SH3PXD2A: variants seen among roughly 807,000 people sequenced by gnomAD.
The protein encoded by SH3PXD2A is SH3 and PX domain-containing protein 2A.
Under a neutral mutation model 115.2 loss-of-function variants are expected in SH3PXD2A, and 32 were observed. That is an observed-to-expected ratio of 0.28 (90% CI 0.21 to 0.37). The LOEUF (loss-of-function observed/expected upper bound fraction) is 0.37, where lower values mean the gene tolerates loss of function less well. Ranked by LOEUF, SH3PXD2A falls within the 10% of genes least tolerant of loss-of-function variation. The probability of loss-of-function intolerance (pLI) is 1.00; values close to 1 mark genes in which losing one functional copy is unlikely to be tolerated. For missense variants in SH3PXD2A, 1,328 were observed against 1,498.7 expected (o/e 0.89, Z 1.88); for synonymous variants, 610 against 629.1 (o/e 0.97, Z 0.45).
intron 9 of SH3PXD2A, among the ~76,000 whole-genome samples, chr10:103,623,551 C>T (rs1010876911): frequency 6.6e-5 from 10 of 151,716 alleles, no homozygotes; most frequent in Non-Finnish European, 1.5e-4. Context: ...AAAATAAAAC[C>T]GTCCCAGACC....
intron 2 of SH3PXD2A, among the ~76,000 whole-genome samples, chr10:103,796,407 A>G: frequency 6.7e-6 from 1 of 149,280 alleles, no homozygotes; most frequent in South Asian, 2.1e-4. Flanking sequence ...AAAGAGAGAG[A>G]GAGAGACCAT....
intron 6 of SH3PXD2A, among the ~76,000 whole-genome samples, chr10:103,677,057 C>T (rs1298667683): frequency 1.3e-5 from 2 of 152,234 alleles, no homozygotes; most frequent in East Asian, 1.9e-4. Context: ...CGCCTCCTCC[C>T]TGGCTCAGTC....
At chr10:103,834,021 G>A (rs936169966) in intron 1 of SH3PXD2A, among the ~76,000 whole-genome samples, 5 of 152,172 alleles carry the variant, frequency 3.3e-5, no homozygotes, top group South Asian at 4.2e-4. Flanking sequence ...CCTCCCCCAC[G>A]TCTCTAACCA....
intron 1 of SH3PXD2A, among the ~76,000 whole-genome samples, chr10:103,812,743 C>T (rs2039283040): frequency 6.6e-6 from 1 of 152,228 alleles, no homozygotes; most frequent in Admixed American, 6.5e-5. Flanking sequence ...CACCATCTGA[C>T]ACACTCACAC....
intron 10 of SH3PXD2A, 84 bp from the exon 11 acceptor site, chr10:103,617,398 G>A: frequency 2.0e-6 from 2 of 978,942 alleles, no homozygotes; most frequent in Admixed American, 1.8e-5. Flanking sequence ...CCCTGGCCTG[G>A]CTTTTGCTCA....
intron 7 of SH3PXD2A, among the ~76,000 whole-genome samples, chr10:103,664,150 C>T (rs4918040): frequency 0.46 from 69,836 of 151,998 alleles, 16,182 homozygotes; most frequent in East Asian, 0.62. Context: ...ACTTCTTAAG[C>T]GCACCCGGCA....
At chr10:103,812,718 C>T (rs1239771446) in intron 1 of SH3PXD2A, among the ~76,000 whole-genome samples, 1 of 152,188 alleles carries the variant, frequency 6.6e-6, no homozygotes, top group East Asian at 1.9e-4. Context: ...GGAAATGACC[C>T]CTGGGCTTCC....
rs150735790 is a variant in SH3PXD2A, at chr10:103,724,293, G to A, written c.375C>T (p.Pro125=). The A allele has an allele frequency of 1.2e-5, 19 of 1,576,458 alleles. No homozygotes were observed. The African/African-American group carries it at 1.5e-4, about 13-fold the overall frequency. The change falls in exon 5 of 15, where the codon CCC becomes CCT. Residue 125 remains proline (P), a synonymous_variant. Coordinates refer to ENST00000369774, the MANE Select transcript of SH3PXD2A (RefSeq NM_001394015.1). ...DEVFRFFEAR[P]EDVNPPKEDY... Reference sequence around the variant, plus strand: ...ACTCTTTTGGAGGGTTGACATCCTCGGGTCGAGCCTCGAAGAACCGGAAGA... The same window carrying A: ...ACTCTTTTGGAGGGTTGACATCCTCAGGTCGAGCCTCGAAGAACCGGAAGA...
intron 6 of SH3PXD2A, among the ~76,000 whole-genome samples, chr10:103,681,432 C>T (rs754371212): frequency 6.6e-6 from 1 of 152,236 alleles, no homozygotes; most frequent in Non-Finnish European, 1.5e-5. Context: ...CCATCAAAGA[C>T]GCAACCCTAG....
chr10:103,810,956 A>G (rs1477506236), intron 1 of SH3PXD2A, among the ~76,000 whole-genome samples: 5 of 114,554 alleles, frequency 4.4e-5, no homozygotes, highest in African/African-American at 1.5e-4. Context: ...GCGCGCGCAC[A>G]CACACACACA....
At chr10:103,736,646 G>A (rs2038384013) in intron 3 of SH3PXD2A, 2 of 653,468 alleles carry the variant, frequency 3.1e-6, no homozygotes, top group Non-Finnish European at 4.8e-6. Flanking sequence ...GGCTGAGCTG[G>A]GAGTAATGTC....
chr10:103,671,299 A>G (rs1012409129), intron 6 of SH3PXD2A, among the ~76,000 whole-genome samples: 3 of 152,226 alleles, frequency 2.0e-5, no homozygotes, highest in African/African-American at 7.2e-5. Flanking sequence ...CAGGCAATAC[A>G]TAAAAGAATG....
intron 1 of SH3PXD2A, among the ~76,000 whole-genome samples, chr10:103,824,442 G>A (rs900688949): frequency 2.6e-5 from 4 of 152,134 alleles, no homozygotes; most frequent in African/African-American, 9.7e-5. Flanking sequence ...TCAACCCGGA[G>A]GGGAAGCCAC....
At chr10:103,716,258 C>T (rs1315482879) in intron 5 of SH3PXD2A, among the ~76,000 whole-genome samples, 1 of 152,176 alleles carries the variant, frequency 6.6e-6, no homozygotes, top group Non-Finnish European at 1.5e-5. Flanking sequence ...TTGGCCTGCC[C>T]TGGGGTTCCC....
At chr10:103,714,172 A>G (rs2038078383) in intron 5 of SH3PXD2A, among the ~76,000 whole-genome samples, 1 of 152,150 alleles carries the variant, frequency 6.6e-6, no homozygotes, top group South Asian at 2.1e-4. Flanking sequence ...ACAGCAAAGC[A>G]GGCCTCAGCG....
chr10:103,629,543 G>A (rs1353024949), intron 8 of SH3PXD2A, among the ~76,000 whole-genome samples: 1 of 152,202 alleles, frequency 6.6e-6, no homozygotes, highest in Non-Finnish European at 1.5e-5. Flanking sequence ...GCCCACACTG[G>A]GGCCAAGGTC....
At chr10:103,807,254 C>A (rs2039215677) in intron 1 of SH3PXD2A, among the ~76,000 whole-genome samples, 1 of 152,182 alleles carries the variant, frequency 6.6e-6, no homozygotes, top group South Asian at 2.1e-4. Context: ...GGCCTAGGAC[C>A]CGCCTTGTGT....
At chr10:103,768,294 G>A (rs560379541) in intron 2 of SH3PXD2A, among the ~76,000 whole-genome samples, 1 of 152,352 alleles carries the variant, frequency 6.6e-6, no homozygotes, top group East Asian at 1.9e-4. Context: ...CAGTACAGGA[G>A]TTGTCATTTT....
At chr10:103,679,721 TG>T (rs1157853390) in intron 6 of SH3PXD2A, among the ~76,000 whole-genome samples, 2 of 152,178 alleles carry the variant, frequency 1.3e-5, no homozygotes, top group Non-Finnish European at 2.9e-5. Flanking sequence ...AAGGTCCCCC[TG>T]GGGGGGCCAT....
Sources: gnomAD v4.1 joint callset for allele counts (sites outside exome capture counted in the v4.1 genomes callset) on GRCh38, gnomAD v4.1.1 for gene constraint, MANE v1.5 for transcripts, NCBI Gene and HGNC (gene_info 2026-07-23, HGNC 2026-07-21) for gene names.